CHGA: variants seen among roughly 807,000 people sequenced by gnomAD.
CHGA encodes the protein chromogranin A, also known as chromogranin-A.
A neutral mutation model predicts 54.4 loss-of-function variants in CHGA; 41 were observed. The ratio of observed to expected loss-of-function variants is 0.75; its 90% confidence interval spans 0.59 to 0.98. The LOEUF (loss-of-function observed/expected upper bound fraction) is 0.98. Among genes scored for constraint, CHGA ranks in the 50% least tolerant of loss-of-function variants. The pLI is 0.00. For synonymous variants in CHGA, 249 were observed against 232.8 expected, an observed-to-expected ratio of 1.07 and a Z score of -0.63; for missense variants, 576 against 582.3, an observed-to-expected ratio of 0.99 and a Z score of 0.11.
At chr14:92,930,392 A>G (rs542112390) in intron 5 of CHGA, among the ~76,000 whole-genome samples, 1 of 152,304 alleles carries the variant, frequency 6.6e-6, no homozygotes, top group Non-Finnish European at 1.5e-5. Flanking sequence ...CTCTCCATGT[A>G]GAAGATGGGC....
At position 92,931,654 on chromosome 14, in the gene CHGA, C is replaced by A; in HGVS notation, c.760C>A (p.Leu254Met). The A allele has an allele frequency of 6.2e-7, 1 of 1,601,404 alleles. No homozygotes were observed. Among genetic ancestry groups the A allele is most frequent in the Non-Finnish European group, 8.5e-7 (1 of 1,171,488 alleles). Residue 254 changes from leucine to methionine, a missense_variant, in exon 6 of 8, where the codon CTG (leucine) becomes ATG (methionine). Coordinates refer to ENST00000216492, the MANE Select transcript of CHGA (RefSeq NM_001275.4). ...CGAGGAAGAAGGCCCCACTGTAGTG[C>A]TGAACCCCCACCCGAGCCTTGGCTA... ...VPEEEGPTVV[L>M]NPHPSLGYKE...
Position 92,923,347 on chromosome 14 carries a change from G to C in CHGA, c.-13G>C, listed in dbSNP as rs1012018938. On this transcript the variant is annotated 5_prime_UTR_variant, in exon 1 of 8. Transcript: ENST00000216492. ...GGCCCCACACCGCCAGCTGCTCGGC[G>C]CCCGGGTCCGCCATGCGCTCCGCCG... 71 of 1,319,380 alleles carry C rather than the reference G, an allele frequency of 5.4e-5. No individual in the cohort carries two copies. The African/African-American group carries it at 9.3e-4, about 17-fold the overall frequency. The allele number at this position is 1,319,380 out of a possible 1,614,324, so 81.7% of individuals were successfully genotyped here.
rs1886824068 is a variant in CHGA, at chr14:92,923,396, G to A, written c.37G>A (p.Ala13Thr). 3 of 1,267,442 alleles carry A rather than the reference G, an allele frequency of 2.4e-6. No individual in the cohort carries two copies. The highest frequency in any genetic ancestry group is 3.0e-6 in the Non-Finnish European group (3 of 1,008,740). The allele number at this position is 1,267,442 out of a possible 1,614,324, so 78.5% of individuals were successfully genotyped here. ...SAAVLALLLC[A>T]GQVTALPVNS... Reference sequence around the variant, plus strand: ...CGCTGTCCTGGCTCTTCTGCTCTGCGCCGGGCAAGGTGAGCGAGCGCGGGG... The same window carrying A: ...CGCTGTCCTGGCTCTTCTGCTCTGCACCGGGCAAGGTGAGCGAGCGCGGGG... Residue 13 changes from alanine (A) to threonine (T), a missense_variant, in exon 1 of 8, where the codon GCC (alanine) becomes ACC (threonine). Transcript: ENST00000216492.
chr14:92,930,263 TC>T (rs1363727557), intron 5 of CHGA, among the ~76,000 whole-genome samples: 1 of 152,242 alleles, frequency 6.6e-6, no homozygotes. Flanking sequence ...ACCCAGATCA[TC>T]TTTCTTGAAA....
rs1886816555 is a variant in CHGA, at chr14:92,923,183, C to T, written c.-177C>T. ...TCCTGCCACTGCAGTGCTCGAGCCCCGTGCAGGGGAGCTTGCGGGAGGATC... is the reference window on the plus strand; with the variant it reads ...TCCTGCCACTGCAGTGCTCGAGCCCTGTGCAGGGGAGCTTGCGGGAGGATC... On this transcript the variant is annotated 5_prime_UTR_variant, in exon 1 of 8. Coordinates refer to ENST00000216492, the MANE Select transcript of CHGA (RefSeq NM_001275.4). 2.3e-6 allele frequency: 1 copy of T among 436,444 alleles called. No homozygotes were observed. Among genetic ancestry groups the T allele is most frequent in the Non-Finnish European group, 3.7e-6 (1 of 273,488 alleles). 27.0% of individuals were successfully genotyped at this position (436,444 alleles called of 1,614,324 possible).
intron 4 of CHGA, among the ~76,000 whole-genome samples, chr14:92,927,982 G>A (rs141012258): frequency 6.6e-6 from 1 of 152,360 alleles, no homozygotes; most frequent in African/African-American, 2.4e-5. Context: ...CTGGAGTGGA[G>A]GGTTAAGCTG....
intron 2 of CHGA, among the ~76,000 whole-genome samples, chr14:92,924,568 T>C (rs9658642): frequency 1.9e-3 from 289 of 152,322 alleles, no homozygotes; most frequent in Middle Eastern, 3.4e-3. Flanking sequence ...TGGGGGTGGC[T>C]TCTCTGTAGT....
chr14:92,923,605 T>A (rs1259620866), intron 1 of CHGA, among the ~76,000 whole-genome samples, 200 bp downstream of exon 1: 1 of 152,192 alleles, frequency 6.6e-6, no homozygotes, highest in East Asian at 1.9e-4. Flanking sequence ...CACTTGGGCC[T>A]GACTCCCAAC....
chr14:92,930,404 G>A (rs900561333), intron 5 of CHGA, among the ~76,000 whole-genome samples: 2 of 152,226 alleles, frequency 1.3e-5, no homozygotes, highest in Non-Finnish European at 1.5e-5. Context: ...AAGATGGGCC[G>A]GTAAGGCCGG....
At chr14:92,933,147 G>A (rs911326181) in intron 7 of CHGA, 42 of 327,316 alleles carry the variant, frequency 1.3e-4, no homozygotes, top group African/African-American at 7.9e-4. Flanking sequence ...AAAACCATGC[G>A]GTGGGTCTGA....
chr14:92,927,671 C>G (rs1886914918), intron 4 of CHGA, 53 bp downstream of exon 4: 13 of 1,400,078 alleles, frequency 9.3e-6, no homozygotes, highest in Non-Finnish European at 1.3e-5. Context: ...AACTGAGAGT[C>G]AGAAAATCTG....
intron 2 of CHGA, 22 bp from the exon 3 acceptor site, chr14:92,926,573 AGCCCCAACCT>A: frequency 6.3e-7 from 1 of 1,598,846 alleles, no homozygotes. Flanking sequence ...TGCTCAAACC[AGCCCCAACCT>A]GCCCCTGCAC....
Position 92,934,949 on chromosome 14 carries a change from G to A in CHGA, c.*65G>A. 7.2e-7 allele frequency: 1 copy of A among 1,397,834 alleles called. No homozygotes were observed. Among genetic ancestry groups the A allele is most frequent in the South Asian group, 1.4e-5 (1 of 71,568 alleles). The allele number at this position is 1,397,834 out of a possible 1,614,324, so 86.6% of individuals were successfully genotyped here. ...CCCTGGCTCTGCTGTCCCCTTGGCA[G>A]GTCCTGGCCAGATGGCCCGGATGCT... is the stretch of plus-strand genomic sequence containing the variant. On this transcript the variant is annotated 3_prime_UTR_variant, in exon 8 of 8. Coordinates refer to ENST00000216492, the MANE Select transcript of CHGA (RefSeq NM_001275.4).
chr14:92,932,969 G>GCATCTCTCCATCCCCA lies in CHGA; in HGVS notation c.1290+118_1290+119insCATCTCTCCATCCCCA. On this transcript the variant is annotated intron_variant, in intron 7 of 7. Transcript: ENST00000216492. The surrounding 1 kb of genome is among the most constrained non-coding windows in gnomAD (Gnocchi z 5.3). Reference sequence around the variant, plus strand: ...ACAGGGCCCCCCCGCCGAAGTCTGGGGATGGAGAGATGCTCAGACCGGGGG... The same window carrying GCATCTCTCCATCCCCA: ...ACAGGGCCCCCCCGCCGAAGTCTGGGCATCTCTCCATCCCCAGATGGAGAGATGCTCAGACCGGGGG... 1 of 1,400,774 alleles carries GCATCTCTCCATCCCCA rather than the reference G, an allele frequency of 7.1e-7. No individual in the cohort carries two copies. Among genetic ancestry groups the GCATCTCTCCATCCCCA allele is most frequent in the Non-Finnish European group, 9.4e-7 (1 of 1,062,836 alleles). 86.8% of individuals were successfully genotyped at this position (1,400,774 alleles called of 1,614,324 possible). A position where few individuals can be genotyped will look rare whatever the true frequency, so the allele number is the denominator to read the frequency against.
At position 92,932,357 on chromosome 14, in the gene CHGA, C is replaced by A. The variant is rs1272980284; in HGVS notation, c.809-13C>A. 1.9e-6 allele frequency: 3 copies of A among 1,567,376 alleles called. No homozygotes were observed. The highest frequency in any genetic ancestry group is 8.6e-7 in the Non-Finnish European group (1 of 1,156,108). ...CCACCCATTCTCCTGCTCTTGCCCA[C>A]CACCTGCTCCAGGTCGGTCGGAGGC... On this transcript the variant is annotated splice_polypyrimidine_tract_variant and intron_variant, in intron 6 of 7. Transcript: ENST00000216492. The surrounding 1 kb of genome is among the most constrained non-coding windows in gnomAD (Gnocchi z 5.3).
Position 92,929,739 on chromosome 14 carries a change from G to C in CHGA, c.279G>C (p.Gln93His), listed in dbSNP as rs1486326503. The change falls in exon 5 of 8, where the codon CAG becomes CAC. Residue 93 changes from glutamine (Q) to histidine (H), a missense_variant. Transcript: ENST00000216492. The part of the protein sequence containing the change: ...ALQGAKERAH[Q>H]QKKHSGFEDE... ...CAGGCGCCAAGGAGAGGGCACATCA[G>C]CAGAAGAAACACAGCGGTTTTGAAG... is the stretch of plus-strand genomic sequence containing the variant. 1.2e-6 allele frequency: 2 copies of C among 1,613,858 alleles called. No individual in the cohort carries two copies. Among genetic ancestry groups the C allele is most frequent in the African/African-American group, 2.7e-5 (2 of 74,922 alleles).
intron 1 of CHGA, among the ~76,000 whole-genome samples, chr14:92,923,923 C>T (rs982279374): frequency 6.6e-6 from 1 of 152,338 alleles, no homozygotes; most frequent in African/African-American, 2.4e-5. Context: ...AGCTCTTGGC[C>T]TTGTTTGATG....
At chr14:92,923,458 C>T in intron 1 of CHGA, 53 bp downstream of exon 1, 1 of 1,233,956 alleles carries the variant, frequency 8.1e-7, no homozygotes, top group African/African-American at 1.6e-5. Flanking sequence ...CCCTGCCCAC[C>T]TTGAGGTCCG....
rs1887092951 is a variant in CHGA at position 92,934,966 on chromosome 14, C to CA, written c.*82_*83insA. On this transcript the variant is annotated 3_prime_UTR_variant, in exon 8 of 8. Transcript: ENST00000216492. ...CCTTGGCAGGTCCTGGCCAGATGGC[C>CA]CGGATGCTGCTTCCGGTAGGGAGGC... The CA allele has an allele frequency of 7.9e-7, 1 of 1,258,252 alleles. No homozygotes were observed. Among genetic ancestry groups the CA allele is most frequent in the South Asian group, 1.5e-5 (1 of 65,154 alleles). 77.9% of individuals were successfully genotyped at this position (1,258,252 alleles called of 1,614,324 possible).
Sources: gnomAD v4.1 joint callset for allele counts (sites outside exome capture counted in the v4.1 genomes callset) on GRCh38, gnomAD v4.1.1 for gene constraint, Gnocchi (gnomAD v3.1) non-coding constraint, MANE v1.5 for transcripts, NCBI Gene and HGNC (gene_info 2026-07-23, HGNC 2026-07-21) for gene names.